Variants in FGGY observed in about 807,000 individuals in gnomAD.
The protein encoded by FGGY is FGGY carbohydrate kinase domain containing.
FGGY carries 72 observed loss-of-function variants against 71.3 expected under a neutral mutation model. The observed-to-expected ratio is 1.01, with a 90% CI of 0.84 to 1.23. FGGY has a LOEUF of 1.23. FGGY is among the 50% of genes most tolerant of loss of function. FGGY has a pLI of 0.00. For missense variants in FGGY, 668 were observed against 682.3 expected, an observed-to-expected ratio of 0.98 and a Z score of 0.23; for synonymous variants, 251 against 250.3, an observed-to-expected ratio of 1.00 and a Z score of -0.02.
chr1:59,340,603 G>A (rs1161065988), intron 3 of FGGY, among the ~76,000 whole-genome samples: 1 of 152,200 alleles, frequency 6.6e-6, no homozygotes, highest in Non-Finnish European at 1.5e-5. Context: ...AGACACTTGT[G>A]AGTACAGAAA....
At chr1:59,382,220 C>T (rs1035694114) in intron 5 of FGGY, among the ~76,000 whole-genome samples, 2 of 152,080 alleles carry the variant, frequency 1.3e-5, no homozygotes, top group East Asian at 3.9e-4. Flanking sequence ...TCAAGGGAAG[C>T]GGGAAATAGC....
intron 7 of FGGY, among the ~76,000 whole-genome samples, chr1:59,540,634 A>G (rs549629043): frequency 3.9e-5 from 6 of 152,340 alleles, no homozygotes; most frequent in South Asian, 2.1e-4. Flanking sequence ...ACTAAATTCT[A>G]TACTTAAAAT....
chr1:59,593,900 TTCCTGGCCCCTACTC>T (rs2096488009), intron 8 of FGGY, among the ~76,000 whole-genome samples: 1 of 152,182 alleles, frequency 6.6e-6, no homozygotes, highest in Admixed American at 6.5e-5. Flanking sequence ...CCCCAGATAA[TTCCTGGCCCCTACTC>T]TCCTATCCCA....
Position 59,674,136 on chromosome 1 carries a change from A to G in FGGY, c.1512+3A>G, listed in dbSNP as rs772602371. 7.4e-6 allele frequency: 12 copies of G among 1,612,790 alleles called. No homozygotes were observed. Among genetic ancestry groups the G allele is most frequent in the Non-Finnish European group, 3.4e-6 (4 of 1,179,222 alleles). On this transcript the variant is annotated splice_donor_region_variant and intron_variant, in intron 14 of 15. Transcript: ENST00000303721. ...CAGGGGATTTCGCTTCTGTACAGGTATGTGAAGACCAGGGGGTGGGCTGTG... is the reference window on the plus strand; with the variant it reads ...CAGGGGATTTCGCTTCTGTACAGGTGTGTGAAGACCAGGGGGTGGGCTGTG...
In FGGY at chr1:59,428,559, T is replaced by C. The variant is rs12031353; in HGVS notation, c.555-28402T>C. On this transcript the variant is annotated intron_variant, in intron 5 of 15. Coordinates refer to ENST00000303721, the MANE Select transcript of FGGY (RefSeq NM_018291.5). ...ATTAATGCCTCCTTGCCCAGTTCTT[T>C]TGAGCATATCTTATTTGAGAAAGGT... 2.6e-5 allele frequency among the ~76,000 whole-genome samples: 4 copies of C among 152,366 alleles called. No individual in the cohort carries two copies. In the East Asian group the frequency reaches 7.7e-4, roughly 29 times the overall value.
intron 8 of FGGY, among the ~76,000 whole-genome samples, chr1:59,585,677 C>A (rs369715940): frequency 2.0e-5 from 3 of 152,074 alleles, no homozygotes; most frequent in Admixed American, 1.3e-4. Flanking sequence ...AATGGGATCT[C>A]ATTAAACTAA....
At chr1:59,360,180 T>C (rs1557665940) in intron 4 of FGGY, among the ~76,000 whole-genome samples, 2 of 144,138 alleles carry the variant, frequency 1.4e-5, no homozygotes, top group Non-Finnish European at 3.1e-5. Context: ...GTGAAAATTA[T>C]TGGTCCTGGA....
intron 1 of FGGY, among the ~76,000 whole-genome samples, chr1:59,318,271 G>A (rs1383983277): frequency 6.6e-6 from 1 of 152,178 alleles, no homozygotes; most frequent in African/African-American, 2.4e-5. Context: ...TCAGATATGT[G>A]GTAAACATGG....
intron 7 of FGGY, among the ~76,000 whole-genome samples, chr1:59,550,469 A>G (rs2095591864): frequency 6.6e-6 from 1 of 152,194 alleles, no homozygotes; most frequent in South Asian, 2.1e-4. Flanking sequence ...TGGGGTGGAC[A>G]TTAGGCAGAG....
At chr1:59,390,914 T>G (rs373729283) in intron 5 of FGGY, among the ~76,000 whole-genome samples, 3 of 152,190 alleles carry the variant, frequency 2.0e-5, no homozygotes, top group African/African-American at 7.2e-5. Flanking sequence ...CACTTATTCC[T>G]TACATATATA....
chr1:59,451,300 C>T (rs1474661395), intron 5 of FGGY, among the ~76,000 whole-genome samples: 2 of 151,710 alleles, frequency 1.3e-5, no homozygotes, highest in Non-Finnish European at 2.9e-5. Flanking sequence ...TACCCCTTCT[C>T]TAGACTCTTA....
intron 7 of FGGY, among the ~76,000 whole-genome samples, chr1:59,537,541 C>G (rs2095350755): frequency 6.6e-6 from 1 of 152,180 alleles, no homozygotes; most frequent in Non-Finnish European, 1.5e-5. Context: ...ATCACCAAGT[C>G]AATCCTAAAC....
intron 6 of FGGY, among the ~76,000 whole-genome samples, chr1:59,481,116 C>T (rs1156448791): frequency 2.0e-5 from 3 of 152,088 alleles, no homozygotes; most frequent in Admixed American, 2.0e-4. Context: ...TTCTTAGTGA[C>T]TTGCACAGTC....
intron 11 of FGGY, among the ~76,000 whole-genome samples, chr1:59,652,969 A>G (rs957273159): frequency 6.6e-6 from 1 of 151,778 alleles, no homozygotes; most frequent in Admixed American, 6.6e-5. Flanking sequence ...TTTCCTTCTA[A>G]CAGACAGGAC....
chr1:59,473,231 G>C (rs1257321712), intron 6 of FGGY, among the ~76,000 whole-genome samples: 1 of 152,018 alleles, frequency 6.6e-6, no homozygotes, highest in Non-Finnish European at 1.5e-5. Context: ...AAGCCAGCGA[G>C]ACCACGAACC....
intron 6 of FGGY, among the ~76,000 whole-genome samples, chr1:59,470,675 A>G (rs1558038001): frequency 6.6e-6 from 1 of 152,220 alleles, no homozygotes; most frequent in Non-Finnish European, 1.5e-5. Context: ...CACCAACAAC[A>G]TGCATTATGT....
intron 14 of FGGY, among the ~76,000 whole-genome samples, chr1:59,691,661 T>C (rs2097589151): frequency 6.7e-6 from 1 of 150,154 alleles, no homozygotes; most frequent in Admixed American, 6.6e-5. Flanking sequence ...TTTTTTTAAC[T>C]GTATGTTTCA....
intron 8 of FGGY, among the ~76,000 whole-genome samples, chr1:59,555,732 GCTC>G (rs1475463555): frequency 6.6e-6 from 1 of 152,142 alleles, no homozygotes; most frequent in African/African-American, 2.4e-5. Context: ...AGACACAGTG[GCTC>G]ACGCCTGTAA....
chr1:59,467,364 G>C (rs1327879551), intron 6 of FGGY, among the ~76,000 whole-genome samples: 1 of 152,046 alleles, frequency 6.6e-6, no homozygotes. Context: ...GGGGGAATGG[G>C]GGAGGGATAG....
Sources: allele counts gnomAD v4.1 joint callset (sites outside exome capture counted in the v4.1 genomes callset), GRCh38; gene constraint gnomAD v4.1.1; transcripts MANE v1.5; gene names NCBI Gene and HGNC (gene_info 2026-07-23, HGNC 2026-07-21).